TSTD2: variants seen among roughly 807,000 people sequenced by gnomAD.
The protein encoded by TSTD2 is thiosulfate sulfurtransferase/rhodanese-like domain-containing protein 2.
Under a neutral mutation model 47.9 loss-of-function variants are expected in TSTD2, and 37 were observed. The ratio of observed to expected loss-of-function variants is 0.77; its 90% CI spans 0.59 to 1.02. TSTD2 has a LOEUF of 1.02. TSTD2 is among the 50% of genes least tolerant of loss of function. The probability of loss-of-function intolerance (pLI) is 0.00; values close to 1 mark genes in which losing one functional copy is unlikely to be tolerated. For missense variants in TSTD2, 586 were observed against 616.0 expected (o/e 0.95, Z 0.52); for synonymous variants, 201 against 215.9 (o/e 0.93, Z 0.61).
intron 6 of TSTD2, among the ~76,000 whole-genome samples, chr9:97,608,314 G>A (rs998037899): frequency 6.6e-6 from 1 of 152,158 alleles, no homozygotes; most frequent in African/African-American, 2.4e-5. Context: ...ACGATTGTTT[G>A]GACAGTGACC....
chr9:97,600,683 G>A lies in TSTD2; in HGVS notation c.*1786C>T, dbSNP rs1826237626. 1.4e-5 allele frequency: 14 copies of A among 998,888 alleles called. No homozygotes were observed. The highest frequency in any genetic ancestry group is 1.4e-5 in the Non-Finnish European group (12 of 838,326). The allele number at this position is 998,888 out of a possible 1,614,324, so 61.9% of individuals were successfully genotyped here. A position where few individuals can be genotyped will look rare whatever the true frequency, so the allele number is the denominator to read the frequency against. On this transcript the variant is annotated 3_prime_UTR_variant, in exon 10 of 10. Coordinates refer to ENST00000341170, the MANE Select transcript of TSTD2 (RefSeq NM_139246.5). Reference sequence around the variant, plus strand: ...ACAAATTGCTGCTGACCTTACGCCTGTATATTAAGCCTCCGCAGGATGCCG... The same window carrying A: ...ACAAATTGCTGCTGACCTTACGCCTATATATTAAGCCTCCGCAGGATGCCG...
In TSTD2 at chr9:97,600,253, C is replaced by G. The variant is rs1482078392; in HGVS notation, c.*2216G>C. ...TTTCCCCTCAGAACAGATAGACAGA[C>G]TGAAGCCACTGAACTCTGCCAGGAG... On this transcript the variant is annotated 3_prime_UTR_variant, in exon 10 of 10. Transcript: ENST00000341170. 2.0e-6 allele frequency: 2 copies of G among 987,180 alleles called. No individual in the cohort carries two copies. The highest frequency in any genetic ancestry group is 3.5e-5 in the African/African-American group (2 of 57,244). 61.2% of individuals were successfully genotyped at this position (987,180 alleles called of 1,614,324 possible).
At chr9:97,618,046 A>G (rs1339750305) in intron 3 of TSTD2, among the ~76,000 whole-genome samples, 169 bp from the exon 4 acceptor site, 2 of 152,226 alleles carry the variant, frequency 1.3e-5, no homozygotes, top group Non-Finnish European at 2.9e-5. Context: ...ACTTCTTTTT[A>G]TATTTGCTCT....
At chr9:97,632,973 G>T (rs1372292573) in intron 1 of TSTD2, among the ~76,000 whole-genome samples, 6 of 152,232 alleles carry the variant, frequency 3.9e-5, no homozygotes, top group Admixed American at 3.9e-4. Context: ...CTCACACACA[G>T]GCATATAGGT....
intron 7 of TSTD2, 126 bp from the exon 8 acceptor site, chr9:97,605,767 C>T (rs1826355486): frequency 8.2e-7 from 1 of 1,225,944 alleles, no homozygotes; most frequent in Non-Finnish European, 1.1e-6. Flanking sequence ...ATCTCATCCC[C>T]ACTCTGACCT....
At position 97,605,650 on chromosome 9, in the gene TSTD2, T is replaced by C. The variant is rs772333506; in HGVS notation, c.955-9A>G. ...CAGCCTTGGAATCGTCCCTGTAACATAGGAGCAACAAAAGGAAAATTATCA... is the reference window on the plus strand; with the variant it reads ...CAGCCTTGGAATCGTCCCTGTAACACAGGAGCAACAAAAGGAAAATTATCA... On this transcript the variant is annotated splice_polypyrimidine_tract_variant and intron_variant, in intron 7 of 9. Coordinates refer to ENST00000341170, the MANE Select transcript of TSTD2 (RefSeq NM_139246.5). 1.7e-5 allele frequency: 28 copies of C among 1,614,074 alleles called. No homozygotes were observed. In the South Asian group the frequency reaches 2.2e-4, roughly 13 times the overall value.
rs1188511819 is a variant in TSTD2 at position 97,600,714 on chromosome 9, T to C, written c.*1755A>G. On this transcript the variant is annotated 3_prime_UTR_variant, in exon 10 of 10. Transcript: ENST00000341170. ...TAAGCCTCCGCAGGATGCCGGACAA[T>C]GGTGAAGAAACTCCAGATATCAAGG... is the stretch of plus-strand genomic sequence containing the variant. The C allele has an allele frequency of 5.0e-6, 5 of 1,004,686 alleles. No individual in the cohort carries two copies. Among genetic ancestry groups the C allele is most frequent in the Non-Finnish European group, 5.9e-6 (5 of 841,720 alleles). The allele number at this position is 1,004,686 out of a possible 1,614,324, so 62.2% of individuals were successfully genotyped here. A position where few individuals can be genotyped will look rare whatever the true frequency, so the allele number is the denominator to read the frequency against.
intron 4 of TSTD2, among the ~76,000 whole-genome samples, chr9:97,612,131 C>T (rs1215035484): frequency 2.6e-5 from 4 of 152,134 alleles, no homozygotes; most frequent in African/African-American, 4.8e-5. Context: ...TCTCTTCCTG[C>T]GTTAGTTTGC....
At chr9:97,608,930 A>T (rs1342727533) in intron 6 of TSTD2, among the ~76,000 whole-genome samples, 4 of 152,130 alleles carry the variant, frequency 2.6e-5, no homozygotes, top group Non-Finnish European at 4.4e-5. Context: ...GGAGTCAACC[A>T]GACCTTTGTG....
intron 6 of TSTD2, among the ~76,000 whole-genome samples, chr9:97,607,615 G>A (rs1322756000): frequency 6.6e-6 from 1 of 152,192 alleles, no homozygotes; most frequent in African/African-American, 2.4e-5. Context: ...TCAAACATGG[G>A]ACGTAGGCCA....
chr9:97,602,665 A>T lies in TSTD2; in HGVS notation c.1355T>A (p.Phe452Tyr), dbSNP rs1564005029. The stretch of plus-strand genomic sequence containing the variant: ...TTGACATGTGACACAACAGGCTGTG[A>T]ATCCTTGTCCTTGACAGGCAGGGCA... ...LTCPACQGQG[F>Y]TACCVTCQDK... Residue 452 changes from phenylalanine (F) to tyrosine (Y), a missense_variant, in exon 10 of 10, where the codon TTC becomes TAC. Phe to Tyr is a conservative substitution (Grantham distance 22, BLOSUM62 3). Transcript: ENST00000341170. The T allele has an allele frequency of 1.2e-6, 2 of 1,614,210 alleles. No individual in the cohort carries two copies. The highest frequency in any genetic ancestry group is 1.7e-6 in the Non-Finnish European group (2 of 1,180,026).
At chr9:97,626,575 T>C (rs764114979) in intron 2 of TSTD2, among the ~76,000 whole-genome samples, 10 of 152,246 alleles carry the variant, frequency 6.6e-5, no homozygotes, top group Non-Finnish European at 1.3e-4. Flanking sequence ...TTATGCTTAT[T>C]GTAAAACAAT....
chr9:97,605,097 G>A (rs1826343194), intron 8 of TSTD2, among the ~76,000 whole-genome samples: 1 of 152,130 alleles, frequency 6.6e-6, no homozygotes, highest in African/African-American at 2.4e-5. Flanking sequence ...ACAGCAGGCA[G>A]GGCCTTCACC....
intron 1 of TSTD2, among the ~76,000 whole-genome samples, chr9:97,629,530 G>A (rs556952624): frequency 6.6e-6 from 1 of 152,278 alleles, no homozygotes; most frequent in Admixed American, 6.5e-5. Flanking sequence ...AAAAATAAGT[G>A]GAAGAGACTG....
intron 2 of TSTD2, 99 bp downstream of exon 2, chr9:97,627,299 A>G (rs1379841280): frequency 2.7e-6 from 4 of 1,478,206 alleles, no homozygotes; most frequent in Non-Finnish European, 3.6e-6. Flanking sequence ...TCCTGACTAG[A>G]CTTTACCTTG....
intron 1 of TSTD2, among the ~76,000 whole-genome samples, chr9:97,631,681 T>C (rs889347925): frequency 6.6e-6 from 1 of 152,100 alleles, no homozygotes; most frequent in African/African-American, 2.4e-5. Context: ...CCATCTCTAC[T>C]AAAAATATAC....
rs137927690 is a variant in TSTD2 at position 97,627,572 on chromosome 9, T to C, written c.-10A>G. ...AAGTGGAAGAAGGCATCTGGTTTGGTTGCAACAGTGAAGCAGATATTCCTT... is the reference window on the plus strand; with the variant it reads ...AAGTGGAAGAAGGCATCTGGTTTGGCTGCAACAGTGAAGCAGATATTCCTT... On this transcript the variant is annotated 5_prime_UTR_variant, in exon 2 of 10. Coordinates refer to ENST00000341170, the MANE Select transcript of TSTD2 (RefSeq NM_139246.5). 9.8e-4 allele frequency: 1,562 copies of C among 1,591,434 alleles called. 14 individuals carry two copies. In the African/African-American group the frequency reaches 0.011, roughly 12 times the overall value.
In TSTD2 at chr9:97,601,664, G is replaced by A. The variant is rs534871865; in HGVS notation, c.*805C>T. ...TTTTGCAGGCCACATAGTGTCTGTT[G>A]CAACTATTCAACTCTGCCATAGATC... is the stretch of plus-strand genomic sequence containing the variant. On this transcript the variant is annotated 3_prime_UTR_variant, in exon 10 of 10. Coordinates refer to ENST00000341170, the MANE Select transcript of TSTD2 (RefSeq NM_139246.5). 13 of 777,602 alleles carry A rather than the reference G, an allele frequency of 1.7e-5. No individual in the cohort carries two copies. The African/African-American group carries it at 1.7e-4, about 10-fold the overall frequency. 48.2% of individuals were successfully genotyped at this position (777,602 alleles called of 1,614,324 possible).
intron 3 of TSTD2, among the ~76,000 whole-genome samples, chr9:97,620,138 G>A (rs751975185): frequency 9.9e-5 from 15 of 152,148 alleles, no homozygotes; most frequent in African/African-American, 3.1e-4. Flanking sequence ...TTGGAGGAAC[G>A]CAGTGGGAGC....
Sources: allele counts gnomAD v4.1 joint callset (sites outside exome capture counted in the v4.1 genomes callset), GRCh38; gene constraint gnomAD v4.1.1; transcripts MANE v1.5; gene names NCBI Gene and HGNC (gene_info 2026-07-23, HGNC 2026-07-21).